PRKN: variants seen among roughly 807,000 people sequenced by gnomAD.
PRKN encodes E3 ubiquitin-protein ligase parkin.
Under a neutral mutation model 59.5 loss-of-function variants are expected in PRKN, and 56 were observed. That is an observed-to-expected ratio of 0.94 (90% confidence interval 0.76 to 1.18). The LOEUF (loss-of-function observed/expected upper bound fraction) is 1.18, where lower values mean the gene tolerates loss of function less well. Ranked by LOEUF, PRKN falls within the 50% of genes most tolerant of loss-of-function variation. PRKN has a pLI of 0.00. For synonymous variants in PRKN, 250 were observed against 222.1 expected, an observed-to-expected ratio of 1.13 and a Z score of -1.12; for missense variants, 657 against 596.4, an observed-to-expected ratio of 1.10 and a Z score of -1.06.
At chr6:161,906,200 C>T (rs899856063) in intron 6 of PRKN, among the ~76,000 whole-genome samples, 85 of 152,238 alleles carry the variant, frequency 5.6e-4, no homozygotes, top group African/African-American at 2.0e-3. Flanking sequence ...TTGTCCTTTA[C>T]TGCAGTCCAT....
At chr6:162,183,749 A>G (rs1402857526) in intron 4 of PRKN, among the ~76,000 whole-genome samples, 10 of 152,278 alleles carry the variant, frequency 6.6e-5, no homozygotes, top group African/African-American at 2.4e-4. Context: ...ATAGCCATAA[A>G]ACTTTACTAA....
intron 2 of PRKN, among the ~76,000 whole-genome samples, chr6:162,321,142 A>G (rs1054009365): frequency 5.9e-5 from 9 of 151,854 alleles, no homozygotes; most frequent in Non-Finnish European, 1.3e-4. Context: ...CTGATCAGGA[A>G]ATAAAGAGAA....
At chr6:162,357,735 T>TA (rs1251972608) in intron 2 of PRKN, among the ~76,000 whole-genome samples, 1 of 152,128 alleles carries the variant, frequency 6.6e-6, no homozygotes, top group African/African-American at 2.4e-5. Flanking sequence ...TATGCAGCAA[T>TA]AAAAAGAATT....
chr6:162,302,827 C>T (rs1186116873), intron 2 of PRKN, among the ~76,000 whole-genome samples: 1 of 152,028 alleles, frequency 6.6e-6, no homozygotes, highest in African/African-American at 2.4e-5. Context: ...TACTTGGTTA[C>T]CCTCTAATTC....
chr6:162,678,908 G>A (rs1368159617), intron 1 of PRKN, among the ~76,000 whole-genome samples: 2 of 151,878 alleles, frequency 1.3e-5, no homozygotes, highest in Non-Finnish European at 2.9e-5. Flanking sequence ...CTGAGTAGCT[G>A]GGATTAGAGG....
chr6:162,126,213 A>G (rs548996643), intron 4 of PRKN, among the ~76,000 whole-genome samples: 1 of 152,214 alleles, frequency 6.6e-6, no homozygotes, highest in Non-Finnish European at 1.5e-5. Flanking sequence ...CGAGACACAG[A>G]GTTCTCATTC....
intron 9 of PRKN, among the ~76,000 whole-genome samples, chr6:161,387,095 A>G (rs1314246791): frequency 6.6e-6 from 1 of 152,158 alleles, no homozygotes; most frequent in Non-Finnish European, 1.5e-5. Context: ...GGCTACAGAG[A>G]TGATGGGTCA....
chr6:161,371,057 T>A lies in PRKN; in HGVS notation c.1168-10852A>T, dbSNP rs1283940227. ...TTCAGGGGCCTTGAGCTAGTCAACG[T>A]TACTGCTTGGCAACGGGTGTCACCA... is the stretch of plus-strand genomic sequence containing the variant. On this transcript the variant is annotated intron_variant, in intron 10 of 11. Transcript: ENST00000366898. This position sits in a 1 kb window ranked among gnomAD's most constrained non-coding sequence, Gnocchi z 5.5. Among the ~76,000 whole-genome samples, 1 of 152,234 alleles carries A rather than the reference T, an allele frequency of 6.6e-6. No individual in the cohort carries two copies.
intron 4 of PRKN, among the ~76,000 whole-genome samples, chr6:162,149,160 G>C (rs1782154381): frequency 6.6e-6 from 1 of 152,144 alleles, no homozygotes; most frequent in South Asian, 2.1e-4. Flanking sequence ...TATTAGAGAA[G>C]AGGCAATAGC....
rs1478484584 is a variant in PRKN, at chr6:161,359,371, G to T, written c.1285+717C>A. On this transcript the variant is annotated intron_variant, in intron 11 of 11. Transcript: ENST00000366898. This position sits in a 1 kb window ranked among gnomAD's most constrained non-coding sequence, Gnocchi z 5.4. ...CCTGGGATGGCCGGGCTTCCCTCCC[G>T]CAAGTCAGCTCTGGGCAACCTGCCA... is the stretch of plus-strand genomic sequence containing the variant. Among the ~76,000 whole-genome samples the T allele has an allele frequency of 6.6e-6, 1 of 152,174 alleles. No individual in the cohort carries two copies. Among genetic ancestry groups the T allele is most frequent in the Admixed American group, 6.5e-5 (1 of 15,278 alleles).
intron 2 of PRKN, among the ~76,000 whole-genome samples, chr6:162,322,433 G>A (rs1783071352): frequency 6.6e-6 from 1 of 152,096 alleles, no homozygotes; most frequent in Non-Finnish European, 1.5e-5. Flanking sequence ...AAACTGACAA[G>A]CTAATTCTAA....
chr6:162,440,353 T>G (rs1789995024), intron 2 of PRKN, among the ~76,000 whole-genome samples: 2 of 152,116 alleles, frequency 1.3e-5, no homozygotes, highest in African/African-American at 4.8e-5. Flanking sequence ...CTTTTTAAAA[T>G]TATGACATTT....
chr6:162,160,309 T>C (rs553025550), intron 4 of PRKN, among the ~76,000 whole-genome samples: 2 of 152,294 alleles, frequency 1.3e-5, no homozygotes, highest in South Asian at 2.1e-4. Flanking sequence ...TGATGGTCAA[T>C]AGTATTAGTC....
At chr6:161,891,500 C>G (rs1289146992) in intron 6 of PRKN, among the ~76,000 whole-genome samples, 1 of 152,092 alleles carries the variant, frequency 6.6e-6, no homozygotes, top group East Asian at 1.9e-4. Context: ...CTCCTGGGTC[C>G]CTAAACATGA....
chr6:162,578,338 G>T (rs1446124058), intron 1 of PRKN, among the ~76,000 whole-genome samples: 1 of 151,990 alleles, frequency 6.6e-6, no homozygotes, highest in Non-Finnish European at 1.5e-5. Context: ...GTTATAAAAG[G>T]TTATGTGTGT....
chr6:162,080,727 T>A (rs1474355691), intron 4 of PRKN, among the ~76,000 whole-genome samples: 1 of 152,058 alleles, frequency 6.6e-6, no homozygotes, highest in Non-Finnish European at 1.5e-5. Flanking sequence ...CTGGGGTGGA[T>A]GTGGCAATGT....
intron 5 of PRKN, among the ~76,000 whole-genome samples, chr6:162,011,773 G>T (rs1391797696): frequency 6.6e-6 from 1 of 150,708 alleles, no homozygotes; most frequent in Non-Finnish European, 1.5e-5. Flanking sequence ...CAAAGTTCTG[G>T]GTATTCTAAC....
intron 7 of PRKN, among the ~76,000 whole-genome samples, chr6:161,626,192 G>C (rs116459659): frequency 6.6e-6 from 1 of 152,148 alleles, no homozygotes; most frequent in Non-Finnish European, 1.5e-5. Context: ...TTTGGTGAAC[G>C]AATAAGGAGG....
At chr6:162,336,068 G>A (rs1783832017) in intron 2 of PRKN, among the ~76,000 whole-genome samples, 1 of 151,986 alleles carries the variant, frequency 6.6e-6, no homozygotes, top group Admixed American at 6.6e-5. Flanking sequence ...AGGGCAGCAA[G>A]GACAATGGAA....
Sources: allele counts gnomAD v4.1 joint callset (sites outside exome capture counted in the v4.1 genomes callset), GRCh38; gene constraint gnomAD v4.1.1; non-coding constraint Gnocchi (gnomAD v3.1); transcripts MANE v1.5; gene names NCBI Gene and HGNC (gene_info 2026-07-23, HGNC 2026-07-21).